ERC2: variants seen among roughly 807,000 people sequenced by gnomAD.
The protein encoded by ERC2 is ELKS/RAB6-interacting/CAST family member 2, also known as ERC protein 2.
ERC2 carries 42 observed loss-of-function variants against 114.8 expected under a neutral mutation model. The ratio of observed to expected loss-of-function variants is 0.37; its 90% confidence interval spans 0.29 to 0.47. ERC2 has a LOEUF of 0.47. Among genes scored for constraint, ERC2 ranks in the 20% least tolerant of loss-of-function variants. ERC2 has a pLI of 0.99. For missense variants in ERC2, 939 were observed against 1,150.7 expected (o/e 0.82, Z 2.66); for synonymous variants, 454 against 425.5 (o/e 1.07, Z -0.82).
rs759601183 is a variant in ERC2 at position 56,007,244 on chromosome 3, A to G, written c.1998T>C (p.Ser666=). The G allele has an allele frequency of 1.4e-5, 23 of 1,587,614 alleles. No homozygotes were observed. The highest frequency in any genetic ancestry group is 1.9e-5 in the Non-Finnish European group (22 of 1,165,542). ...TCTTTTGTTCAATGGCTATTTCTAG[A>G]GATTTTAATTTGGAATCCCTTTTCA... ...AGLKRDSKLK[S]LEIAIEQKKE... is the part of the protein sequence containing the mutation. The change falls in exon 10 of 18, where the codon TCT becomes TCC. Residue 666 remains serine, a synonymous_variant. Coordinates refer to ENST00000288221, the MANE Select transcript of ERC2 (RefSeq NM_015576.3).
intron 3 of ERC2, among the ~76,000 whole-genome samples, chr3:56,198,402 A>T (rs1229295995): frequency 6.6e-6 from 1 of 152,182 alleles, no homozygotes; most frequent in African/African-American, 2.4e-5. Flanking sequence ...TCAGATGGAT[A>T]CCTAGGGTTG....
At chr3:55,903,859 A>G (rs1289814176) in intron 13 of ERC2, among the ~76,000 whole-genome samples, 1 of 152,232 alleles carries the variant, frequency 6.6e-6, no homozygotes, top group African/African-American at 2.4e-5. Flanking sequence ...AGGTGACTCC[A>G]GTGTGTACAA....
intron 17 of ERC2, among the ~76,000 whole-genome samples, chr3:55,534,034 C>G (rs2053836090): frequency 6.6e-6 from 1 of 152,112 alleles, no homozygotes; most frequent in South Asian, 2.1e-4. Flanking sequence ...CAAGCGACAT[C>G]CTCTCCGAAA....
chr3:55,652,277 C>T (rs562570686), intron 17 of ERC2, among the ~76,000 whole-genome samples: 15 of 152,294 alleles, frequency 9.8e-5, no homozygotes, highest in Admixed American at 5.2e-4. Flanking sequence ...TGATGGTTTG[C>T]GACAACCTGA....
chr3:56,316,236 T>C (rs975844176), intron 2 of ERC2, among the ~76,000 whole-genome samples: 7 of 152,210 alleles, frequency 4.6e-5, no homozygotes, highest in South Asian at 2.1e-4. Flanking sequence ...TCTTTGAACA[T>C]TTTATTTCTT....
At position 56,140,700 on chromosome 3, in the gene ERC2, T is replaced by C. The variant is rs114118461; in HGVS notation, c.1306-1024A>G. 7.3e-3 allele frequency among the ~76,000 whole-genome samples: 1,109 copies of C among 152,288 alleles called. 9 individuals carry two copies. Among genetic ancestry groups the C allele is most frequent in the African/African-American group, 0.025 (1,056 of 41,564 alleles). Reference sequence around the variant, plus strand: ...CTCAAGTGTCTATCTAAGATTTAAATTGCTGAACCACATAGCATATTCATC... The same window carrying C: ...CTCAAGTGTCTATCTAAGATTTAAACTGCTGAACCACATAGCATATTCATC... On this transcript the variant is annotated intron_variant, in intron 5 of 17. Transcript: ENST00000288221.
At chr3:56,043,273 A>G (rs1219370170) in intron 7 of ERC2, among the ~76,000 whole-genome samples, 1 of 152,214 alleles carries the variant, frequency 6.6e-6, no homozygotes, top group Admixed American at 6.5e-5. Flanking sequence ...CAAATAAAAT[A>G]AAAAGCAGAG....
At chr3:56,095,005 C>G (rs1317660443) in intron 6 of ERC2, among the ~76,000 whole-genome samples, 3 of 152,238 alleles carry the variant, frequency 2.0e-5, no homozygotes, top group South Asian at 4.1e-4. Context: ...ATAATCCCAG[C>G]ACTTTGGGAG....
intron 3 of ERC2, among the ~76,000 whole-genome samples, chr3:56,228,462 A>G (rs539361744): frequency 2.6e-5 from 4 of 152,278 alleles, no homozygotes; most frequent in Admixed American, 2.0e-4. Flanking sequence ...ATCATACAGT[A>G]TTTGCCTTTG....
At position 56,024,199 on chromosome 3, in the gene ERC2, A is replaced by G. The variant is rs1163284248; in HGVS notation, c.1642-5168T>C. Among the ~76,000 whole-genome samples the G allele has an allele frequency of 2.6e-5, 4 of 152,228 alleles. No individual in the cohort carries two copies. In the East Asian group the frequency reaches 7.7e-4, roughly 29 times the overall value. ...AACTCACAAAACTGCCAGAAAGGCTAGAAAATCAGGGTCAGGGAAAATAGT... is the reference window on the plus strand; with the variant it reads ...AACTCACAAAACTGCCAGAAAGGCTGGAAAATCAGGGTCAGGGAAAATAGT... On this transcript the variant is annotated intron_variant, in intron 7 of 17. Coordinates refer to ENST00000288221, the MANE Select transcript of ERC2 (RefSeq NM_015576.3).
intron 2 of ERC2, among the ~76,000 whole-genome samples, chr3:56,372,365 C>T (rs2150591667): frequency 6.6e-6 from 1 of 152,266 alleles, no homozygotes; most frequent in East Asian, 1.9e-4. Context: ...TTAATCCTCA[C>T]AACAGCCTGA....
chr3:56,205,874 T>C (rs1309084221), intron 3 of ERC2, among the ~76,000 whole-genome samples: 1 of 152,162 alleles, frequency 6.6e-6, no homozygotes, highest in Non-Finnish European at 1.5e-5. Flanking sequence ...TCTTGCCAAA[T>C]TTAACCTTGA....
chr3:55,929,246 C>T (rs2065930592), intron 13 of ERC2, among the ~76,000 whole-genome samples: 1 of 152,126 alleles, frequency 6.6e-6, no homozygotes, highest in South Asian at 2.1e-4. Flanking sequence ...CAGAGAGCTC[C>T]CCCTAAAACT....
chr3:56,311,818 AATGT>A (rs545513793), intron 2 of ERC2, among the ~76,000 whole-genome samples: 1,382 of 91,132 alleles, frequency 0.015, 12 homozygotes, highest in South Asian at 0.1. Context: ...TATACATATA[AATGT>A]GTGTGTGTGT....
chr3:55,783,194 C>T (rs890428876), intron 14 of ERC2, among the ~76,000 whole-genome samples: 6 of 152,186 alleles, frequency 3.9e-5, no homozygotes, highest in Non-Finnish European at 7.3e-5. Flanking sequence ...AAATGCCTGC[C>T]CTTCACCTGG....
intron 6 of ERC2, among the ~76,000 whole-genome samples, chr3:56,135,425 C>G (rs1350653115): frequency 2.6e-5 from 4 of 152,128 alleles, no homozygotes; most frequent in Non-Finnish European, 2.9e-5. Context: ...AAGTGAAACA[C>G]AGAACAGATG....
chr3:56,407,151 CCAA>C (rs2060760995), intron 2 of ERC2, among the ~76,000 whole-genome samples: 2 of 152,160 alleles, frequency 1.3e-5, no homozygotes, highest in African/African-American at 4.8e-5. Flanking sequence ...CTCGCTACTC[CCAA>C]CAACTTTCAC....
chr3:55,540,600 C>G (rs1013264317), intron 17 of ERC2, among the ~76,000 whole-genome samples: 5 of 152,164 alleles, frequency 3.3e-5, no homozygotes, highest in Non-Finnish European at 5.9e-5. Context: ...ATCTTAGTCT[C>G]CCCATCTGTA....
At position 56,033,010 on chromosome 3, in the gene ERC2, AG is replaced by A. The variant is rs781645626; in HGVS notation, c.1642-13980del. Among the ~76,000 whole-genome samples the A allele has an allele frequency of 8.7e-3, 1,155 of 133,308 alleles. 7 individuals carry two copies. Among genetic ancestry groups the A allele is most frequent in the Non-Finnish European group, 0.01 (621 of 61,424 alleles). 87.5% of individuals were successfully genotyped at this position (133,308 alleles called of 152,430 possible). On this transcript the variant is annotated intron_variant, in intron 7 of 17. Transcript: ENST00000288221. ...AAGAAAGAAAGAAAGAAAGAAAGAA[AG>A]AAAGAAAGAAAAAAGAAACAGAAAG...
Sources: allele counts gnomAD v4.1 joint callset (sites outside exome capture counted in the v4.1 genomes callset), GRCh38; gene constraint gnomAD v4.1.1; transcripts MANE v1.5; gene names NCBI Gene and HGNC (gene_info 2026-07-23, HGNC 2026-07-21).